Variants in PASK observed in about 807,000 individuals in gnomAD.
PASK encodes PAS domain-containing serine/threonine-protein kinase.
In PASK, 110 loss-of-function variants were observed where a neutral mutation model predicts 121.0. The ratio of observed to expected loss-of-function variants is 0.91; its 90% CI spans 0.78 to 1.06. The LOEUF (loss-of-function observed/expected upper bound fraction) is 1.06. Ranked by LOEUF, PASK falls within the 50% of genes least tolerant of loss-of-function variation. The pLI is 0.00. For synonymous variants in PASK, 686 were observed against 717.8 expected, an observed-to-expected ratio of 0.96 and a Z score of 0.71; for missense variants, 1,643 against 1,702.3, an observed-to-expected ratio of 0.97 and a Z score of 0.61.
intron 9 of PASK, 117 bp from the exon 10 acceptor site, chr2:241,127,568 C>A (rs1314931776): frequency 3.4e-6 from 3 of 885,916 alleles, no homozygotes; most frequent in Non-Finnish European, 5.5e-6. Flanking sequence ...CAATTTATAA[C>A]AAGAAAAAGA....
chr2:241,132,043 A>C (rs909331151), intron 9 of PASK, among the ~76,000 whole-genome samples: 6 of 125,784 alleles, frequency 4.8e-5, no homozygotes, highest in African/African-American at 1.5e-4. Context: ...GCTGAGTGAG[A>C]CTCCATCTCA....
chr2:241,138,656 C>T lies in PASK; in HGVS notation c.739G>A (p.Asp247Asn), dbSNP rs1429234384. 1 of 1,613,982 alleles carries T rather than the reference C, an allele frequency of 6.2e-7. No homozygotes were observed. Among genetic ancestry groups the T allele is most frequent in the Non-Finnish European group, 8.5e-7 (1 of 1,180,032 alleles). ...ATGAGGCAAAGTTGCACACTCACAT[C>T]GCTCTGGAAAGCGACCCAGGTCGAG... ...RVSTWVAFQS[D>N]GTVTSCDSLF... Residue 247 changes from aspartate (D) to asparagine (N), a missense_variant and splice_region_variant, in exon 5 of 18, where the codon GAT becomes AAT. By Grantham distance (23) the Asp-to-Asn change is conservative. This residue lies in a region of PASK where 1,176 missense variants were observed against 1,162.2 expected (regional missense o/e 1.01). Transcript: ENST00000234040.
Position 241,133,181 on chromosome 2 carries a change from C to T in PASK, c.1307-151G>A, listed in dbSNP as rs142231860. On this transcript the variant is annotated intron_variant, in intron 8 of 17. Transcript: ENST00000234040. ...CCCAGGCGTCCCAGGTCCAACCCAG[C>T]GCCCTCTTCTCTGCCTCCTGTCTCC... The T allele has an allele frequency of 1.2e-3, 917 of 748,162 alleles. 6 individuals are homozygous for T. The East Asian group carries it at 0.023, about 19-fold the overall frequency. 46.3% of individuals were successfully genotyped at this position (748,162 alleles called of 1,614,324 possible).
Position 241,142,225 on chromosome 2 carries a change from T to C in PASK, c.196+612A>G, listed in dbSNP as rs550243881. Among the ~76,000 whole-genome samples, 139 of 152,260 alleles carry C rather than the reference T, an allele frequency of 9.1e-4. 1 individual carries two copies. Among genetic ancestry groups the C allele is most frequent in the African/African-American group, 3.1e-3 (128 of 41,554 alleles). ...TGGAGACCAGACTCCCAGCCACCAT[T>C]TCCCGCAGCTCTATGCCCCACTTCC... On this transcript the variant is annotated intron_variant, in intron 2 of 17. Transcript: ENST00000234040.
intron 14 of PASK, chr2:241,114,587 A>G (rs1158101798): frequency 1.2e-5 from 12 of 1,041,478 alleles, no homozygotes; most frequent in Non-Finnish European, 1.4e-5. Context: ...AAACAGATCA[A>G]GACAAATACT....
rs2065296287 is a variant in PASK at position 241,115,564 on chromosome 2, G to C, written c.3073-151C>G. On this transcript the variant is annotated intron_variant, in intron 12 of 17. Coordinates refer to ENST00000234040, the MANE Select transcript of PASK (RefSeq NM_015148.4). ...TACACCAGGGCCACCTGGTCCCCAAGCATCCCATTACACCAGGGCCACCCG... is the reference window on the plus strand; with the variant it reads ...TACACCAGGGCCACCTGGTCCCCAACCATCCCATTACACCAGGGCCACCCG... 4 of 881,062 alleles carry C rather than the reference G, an allele frequency of 4.5e-6. No individual in the cohort carries two copies. The Admixed American group carries it at 7.9e-5, about 17-fold the overall frequency. The allele number at this position is 881,062 out of a possible 1,614,324, so 54.6% of individuals were successfully genotyped here.
At chr2:241,140,868 T>C in intron 2 of PASK, 115 bp from the exon 3 acceptor site, 1 of 737,662 alleles carries the variant, frequency 1.4e-6, no homozygotes, top group South Asian at 1.5e-5. Flanking sequence ...GATCTAAGGA[T>C]TAAGTCAGTC....
At chr2:241,131,630 C>T (rs1316767650) in intron 9 of PASK, among the ~76,000 whole-genome samples, 1 of 152,106 alleles carries the variant, frequency 6.6e-6, no homozygotes, top group Non-Finnish European at 1.5e-5. Flanking sequence ...CTAACCTCTG[C>T]CCTGACCCAG....
chr2:241,138,833 C>T (rs1478213336), intron 4 of PASK, 39 bp from the exon 5 acceptor site: 1 of 1,610,880 alleles, frequency 6.2e-7, no homozygotes, highest in Non-Finnish European at 8.5e-7. Flanking sequence ...ATGCCATGAA[C>T]CCAAAAGACC....
chr2:241,107,222 C>G, intron 17 of PASK, 131 bp downstream of exon 17: 1 of 858,358 alleles, frequency 1.2e-6, no homozygotes, highest in South Asian at 1.3e-5. Flanking sequence ...GCTATAGGCC[C>G]TGACATTTGT....
Position 241,126,587 on chromosome 2 carries a change from GC to G in PASK, c.2327del (p.Gly776AlafsTer6). 1.2e-6 allele frequency: 2 copies of G among 1,614,220 alleles called. No individual in the cohort carries two copies. The highest frequency in any genetic ancestry group is 1.7e-6 in the Non-Finnish European group (2 of 1,180,034). ...LRETPSSLAV[G>X]SDPDVGSLQE... is the part of the protein sequence containing the mutation. The stretch of plus-strand genomic sequence containing the variant: ...GGAGACTGCCTACATCTGGATCGGA[GC>G]CCACTGCCAAGGAAGAGGGTGTCTC... On this transcript the variant is annotated frameshift_variant, in exon 10 of 18. Coordinates refer to ENST00000234040, the MANE Select transcript of PASK (RefSeq NM_015148.4). LOFTEE classifies it high-confidence loss of function.
intron 9 of PASK, among the ~76,000 whole-genome samples, chr2:241,131,750 T>G (rs1559384640): frequency 6.6e-6 from 1 of 152,106 alleles, no homozygotes; most frequent in Non-Finnish European, 1.5e-5. Context: ...CTTTACTGCA[T>G]GCTGTGCATA....
At chr2:241,126,051 T>C in intron 10 of PASK, 145 bp downstream of exon 10, 2 of 777,646 alleles carry the variant, frequency 2.6e-6, no homozygotes, top group Non-Finnish European at 4.3e-6. Flanking sequence ...GGGTGGATGA[T>C]ATGCATTCTC....
At position 241,132,999 on chromosome 2, in the gene PASK, G is replaced by A. The variant is rs545248616; in HGVS notation, c.1338C>T (p.Gly446=). The stretch of plus-strand genomic sequence containing the variant: ...GGATCTCATCTCGGGGCACAACGTG[G>A]CCACCAGCAAGCACGACATTAATCC... ...DPRINVVLAG[G]HVVPRDEIRK... is the part of the protein sequence containing the mutation. Residue 446 remains glycine (G), a synonymous_variant, in exon 9 of 18, where the codon GGC becomes GGT. Transcript: ENST00000234040. 1.2e-6 allele frequency: 2 copies of A among 1,614,072 alleles called. No homozygotes were observed. The highest frequency in any genetic ancestry group is 1.7e-5 in the Admixed American group (1 of 60,026).
At chr2:241,117,072 G>C (rs1225821802) in intron 12 of PASK, among the ~76,000 whole-genome samples, 1 of 152,062 alleles carries the variant, frequency 6.6e-6, no homozygotes, top group African/African-American at 2.4e-5. Context: ...GAGGAGGTGT[G>C]AGGGAGGCGG....
chr2:241,113,372 ATACCTG>A (rs1328928925), intron 14 of PASK: 3 of 93,502 alleles, frequency 3.2e-5, no homozygotes, highest in African/African-American at 2.6e-4. Flanking sequence ...AAACATATAC[ATACCTG>A]CATATTTATA....
intron 1 of PASK, among the ~76,000 whole-genome samples, chr2:241,147,679 G>A (rs573145888): frequency 2.6e-5 from 4 of 152,280 alleles, no homozygotes; most frequent in East Asian, 3.9e-4. Flanking sequence ...AAATGTTACA[G>A]AAGTTTCTTT....
intron 15 of PASK, among the ~76,000 whole-genome samples, chr2:241,110,474 G>T (rs1268512795): frequency 6.6e-6 from 1 of 152,248 alleles, no homozygotes; most frequent in Non-Finnish European, 1.5e-5. Flanking sequence ...CTGAGAGGAG[G>T]CCTGCAGCCC....
At chr2:241,149,893 C>T (rs2067204726), upstream of PASK, 1 of 1,441,526 alleles carries the variant, frequency 6.9e-7, no homozygotes, top group Non-Finnish European at 9.1e-7. Flanking sequence ...CTAGCGGCCC[C>T]ACCAGCGCAA....
Sources: allele counts gnomAD v4.1 joint callset (sites outside exome capture counted in the v4.1 genomes callset), GRCh38; gene constraint gnomAD v4.1.1; regional missense constraint gnomAD v4.1.1; transcripts MANE v1.5; gene names NCBI Gene and HGNC (gene_info 2026-07-23, HGNC 2026-07-21).